CNTNAP2: variants seen among roughly 807,000 people sequenced by gnomAD.
CNTNAP2 encodes the protein contactin-associated protein-like 2.
In CNTNAP2, 98 loss-of-function variants were observed where a neutral mutation model predicts 155.2. The observed-to-expected ratio is 0.63, with a 90% CI of 0.54 to 0.75. CNTNAP2 has a LOEUF of 0.75. Ranked by LOEUF, CNTNAP2 falls within the 30% of genes least tolerant of loss-of-function variation. The pLI is 0.00. For missense variants in CNTNAP2, 1,727 were observed against 1,688.1 expected (o/e 1.02, Z -0.40); for synonymous variants, 651 against 631.2 (o/e 1.03, Z -0.47).
chr7:146,838,010 A>G (rs2129200089), intron 2 of CNTNAP2, among the ~76,000 whole-genome samples: 1 of 152,350 alleles, frequency 6.6e-6, no homozygotes, highest in Non-Finnish European at 1.5e-5. Flanking sequence ...TCCAGATTGC[A>G]GAGACACATT....
chr7:147,619,543 A>G (rs1195543970), intron 12 of CNTNAP2, among the ~76,000 whole-genome samples: 2 of 152,198 alleles, frequency 1.3e-5, no homozygotes, highest in Non-Finnish European at 2.9e-5. Context: ...TAGGCTAGCA[A>G]TATTCCCTGT....
At chr7:148,394,555 T>TTTACTGGGATTAAGGTTTATG (rs1279692414) in intron 22 of CNTNAP2, among the ~76,000 whole-genome samples, 1 of 152,200 alleles carries the variant, frequency 6.6e-6, no homozygotes, top group Non-Finnish European at 1.5e-5. Context: ...GTTTAAAATT[T>TTTACTGGGATTAAGGTTTATG]TTACTGGGAT....
At chr7:147,358,463 A>G (rs1460541439) in intron 9 of CNTNAP2, among the ~76,000 whole-genome samples, 1 of 152,134 alleles carries the variant, frequency 6.6e-6, no homozygotes, top group Non-Finnish European at 1.5e-5. Context: ...ATTAATCATT[A>G]TATGCTCATT....
intron 1 of CNTNAP2, among the ~76,000 whole-genome samples, chr7:146,706,154 A>G (rs1331223027): frequency 4.0e-5 from 6 of 151,168 alleles, no homozygotes; most frequent in African/African-American, 1.5e-4. Flanking sequence ...GTTCCCTGAG[A>G]GTCAGAATCT....
At chr7:146,490,173 C>A (rs1797117667) in intron 1 of CNTNAP2, among the ~76,000 whole-genome samples, 1 of 152,194 alleles carries the variant, frequency 6.6e-6, no homozygotes, top group Non-Finnish European at 1.5e-5. Context: ...ATCAACACCT[C>A]ACAAGTTTCA....
chr7:148,308,457 A>C (rs1170534867), intron 21 of CNTNAP2, among the ~76,000 whole-genome samples: 1 of 152,054 alleles, frequency 6.6e-6, no homozygotes, highest in Non-Finnish European at 1.5e-5. Context: ...GCCATTTTTA[A>C]ATTGGCATTT....
At chr7:147,839,432 C>T (rs1421153842) in intron 13 of CNTNAP2, among the ~76,000 whole-genome samples, 1 of 152,068 alleles carries the variant, frequency 6.6e-6, no homozygotes, top group Non-Finnish European at 1.5e-5. Flanking sequence ...AGAGGTAAAT[C>T]ACAGTGAGGC....
intron 15 of CNTNAP2, among the ~76,000 whole-genome samples, chr7:148,019,574 G>A (rs533490174): frequency 2.0e-5 from 3 of 151,866 alleles, no homozygotes; most frequent in African/African-American, 7.2e-5. Context: ...CTTGTGCCTC[G>A]GGCTCCTGAG....
intron 3 of CNTNAP2, among the ~76,000 whole-genome samples, chr7:146,906,400 C>T (rs1415465590): frequency 1.3e-5 from 2 of 152,112 alleles, no homozygotes; most frequent in Non-Finnish European, 2.9e-5. Flanking sequence ...TTAAATGTCC[C>T]TGTCTGACAG....
intron 13 of CNTNAP2, among the ~76,000 whole-genome samples, chr7:147,825,823 C>A (rs771362737): frequency 3.0e-4 from 45 of 152,210 alleles, no homozygotes; most frequent in Non-Finnish European, 5.9e-4. Context: ...GATCTCTCTG[C>A]ACTGAGGAGG....
At chr7:148,048,515 GGTCA>G (rs1422337992) in intron 15 of CNTNAP2, among the ~76,000 whole-genome samples, 1 of 152,100 alleles carries the variant, frequency 6.6e-6, no homozygotes, top group Non-Finnish European at 1.5e-5. Flanking sequence ...GCTGGGTGAG[GGTCA>G]GTGTCAGCCT....
chr7:147,905,309 C>G (rs1292512630), intron 14 of CNTNAP2, among the ~76,000 whole-genome samples: 3 of 152,328 alleles, frequency 2.0e-5, no homozygotes, highest in Middle Eastern at 3.4e-3. Flanking sequence ...CCAGCTGGTT[C>G]ATTGTCCAGG....
intron 3 of CNTNAP2, among the ~76,000 whole-genome samples, chr7:147,022,757 T>G (rs1378683115): frequency 6.6e-6 from 1 of 152,110 alleles, no homozygotes; most frequent in Non-Finnish European, 1.5e-5. Context: ...CCAATTCGAA[T>G]ATCATTCTTG....
intron 2 of CNTNAP2, among the ~76,000 whole-genome samples, chr7:146,790,769 C>A (rs901338036): frequency 1.3e-5 from 2 of 151,834 alleles, no homozygotes; most frequent in Non-Finnish European, 2.9e-5. Flanking sequence ...CAGGGTTTCA[C>A]CGTGTTAGCC....
intron 3 of CNTNAP2, among the ~76,000 whole-genome samples, chr7:146,859,246 CTGAT>C (rs1795050319): frequency 6.6e-6 from 1 of 152,162 alleles, no homozygotes; most frequent in South Asian, 2.1e-4. Context: ...CATCACTAAA[CTGAT>C]TAATGGCACT....
At chr7:147,332,428 A>T (rs189105265) in intron 9 of CNTNAP2, among the ~76,000 whole-genome samples, 28 of 152,326 alleles carry the variant, frequency 1.8e-4, no homozygotes, top group African/African-American at 6.5e-4. Flanking sequence ...ATTTCTAAAA[A>T]TGCGGATATT....
At chr7:146,866,675 T>C (rs1158396012) in intron 3 of CNTNAP2, among the ~76,000 whole-genome samples, 2 of 152,114 alleles carry the variant, frequency 1.3e-5, no homozygotes, top group African/African-American at 4.8e-5. Flanking sequence ...TATGTCAAAT[T>C]TAACTTTTGA....
chr7:147,686,238 G>C (rs1184615093), intron 13 of CNTNAP2, among the ~76,000 whole-genome samples: 1 of 151,920 alleles, frequency 6.6e-6, no homozygotes, highest in Non-Finnish European at 1.5e-5. Flanking sequence ...TTTGGCTTTT[G>C]TATTCAATAT....
At chr7:146,832,437 GTT>G (rs1348802651) in intron 2 of CNTNAP2, among the ~76,000 whole-genome samples, 1 of 149,658 alleles carries the variant, frequency 6.7e-6, no homozygotes, top group East Asian at 1.9e-4. Context: ...ATTTTAACAG[GTT>G]TACTGATGTA....
Sources: gnomAD v4.1 joint callset for allele counts (sites outside exome capture counted in the v4.1 genomes callset) on GRCh38, gnomAD v4.1.1 for gene constraint, MANE v1.5 for transcripts, NCBI Gene and HGNC (gene_info 2026-07-23, HGNC 2026-07-21) for gene names.